Variants in STAB2 observed in about 807,000 individuals in gnomAD.
STAB2 encodes stabilin 2, also known as stabilin-2.
Under a neutral mutation model 338.1 loss-of-function variants are expected in STAB2, and 288 were observed. That is an observed-to-expected ratio of 0.85 (90% confidence interval 0.77 to 0.94). The LOEUF (loss-of-function observed/expected upper bound fraction) is 0.94, where lower values mean the gene tolerates loss of function less well. STAB2 is among the 40% of genes least tolerant of loss of function. The pLI is 0.00. For missense variants in STAB2, 3,141 were observed against 3,210.1 expected (o/e 0.98, Z 0.52); for synonymous variants, 1,202 against 1,193.3 (o/e 1.01, Z -0.15).
intron 52 of STAB2, 54 bp from the exon 53 acceptor site, chr12:103,737,580 C>CTG: frequency 3.7e-6 from 4 of 1,090,366 alleles, no homozygotes; most frequent in Non-Finnish European, 3.8e-6. Flanking sequence ...CTGTTTCTCT[C>CTG]TCTCTCTCTC....
chr12:103,607,613 A>G (rs1210438190), intron 3 of STAB2, among the ~76,000 whole-genome samples: 1 of 150,712 alleles, frequency 6.6e-6, no homozygotes, highest in African/African-American at 2.4e-5. Flanking sequence ...TTTAATTCAC[A>G]CCTATGAGTG....
chr12:103,749,245 C>T (rs553395862), intron 59 of STAB2, 89 bp downstream of exon 59: 26 of 1,347,144 alleles, frequency 1.9e-5, no homozygotes, highest in Non-Finnish European at 2.2e-5. Context: ...CTGCTTATCT[C>T]CTGGACTCTT....
At position 103,755,617 on chromosome 12, in the gene STAB2, A is replaced by G. The variant is rs749808266; in HGVS notation, c.6886A>G (p.Asn2296Asp). The G allele has an allele frequency of 6.2e-7, 1 of 1,614,078 alleles. No homozygotes were observed. Among genetic ancestry groups the G allele is most frequent in the Non-Finnish European group, 8.5e-7 (1 of 1,180,012 alleles). The change falls in exon 63 of 69, where the codon AAC (asparagine) becomes GAC (aspartate). Residue 2296 changes from asparagine to aspartate, a missense_variant. Physicochemically the swap from Asn to Asp is conservative, Grantham distance 23. Transcript: ENST00000388887. ...DVFCYRMKDV[N>D]CTCKVGYVGD... Reference sequence around the variant, plus strand: ...TGTGTGCCTCTGCCCTCCAGATGTGAACTGCACCTGCAAGGTGGGCTATGT... The same window carrying G: ...TGTGTGCCTCTGCCCTCCAGATGTGGACTGCACCTGCAAGGTGGGCTATGT...
At position 103,673,900 on chromosome 12, in the gene STAB2, C is replaced by G. The variant is rs1338245462; in HGVS notation, c.2372-7C>G. ...CTGGACGGATGTCCCTCCTCCTCCT[C>G]TTTCAGAATGCCTGTGCGTTCACGG... On this transcript the variant is annotated splice_polypyrimidine_tract_variant and splice_region_variant and intron_variant, in intron 22 of 68. Coordinates refer to ENST00000388887, the MANE Select transcript of STAB2 (RefSeq NM_017564.10). The G allele has an allele frequency of 6.2e-7, 1 of 1,607,358 alleles. No individual in the cohort carries two copies. Among genetic ancestry groups the G allele is most frequent in the Admixed American group, 1.7e-5 (1 of 59,890 alleles).
rs564255649 is a variant in STAB2, at chr12:103,686,440, C to T, written c.2997+1356C>T. ...CTGCTTTCACGACGTCCCTCTCCTC[C>T]CACGAAAAGCAAAATTAAGTCCTCA... is the stretch of plus-strand genomic sequence containing the variant. On this transcript the variant is annotated intron_variant, in intron 27 of 68. Coordinates refer to ENST00000388887, the MANE Select transcript of STAB2 (RefSeq NM_017564.10). Among the ~76,000 whole-genome samples, 4 of 152,306 alleles carry T rather than the reference C, an allele frequency of 2.6e-5. No homozygotes were observed. In the South Asian group the frequency reaches 6.2e-4, roughly 24 times the overall value.
At position 103,766,315 on chromosome 12, in the gene STAB2, T is replaced by G. The variant is rs756128685; in HGVS notation, c.7635T>G (p.Asn2545Lys). Residue 2545 changes from asparagine to lysine, a missense_variant, in exon 69 of 69, where the codon AAT becomes AAG. Coordinates refer to ENST00000388887, the MANE Select transcript of STAB2 (RefSeq NM_017564.10). ...TDSEERQLEG[N>K]DPLRTL ...CTGAAGAACGGCAGCTTGAGGGCAA[T>G]GACCCCTTGAGGACACTGTGAGGGC... 6.2e-7 allele frequency: 1 copy of G among 1,613,856 alleles called. No individual in the cohort carries two copies.
chr12:103,653,673 T>G (rs1328212038), intron 12 of STAB2, among the ~76,000 whole-genome samples: 1 of 144,186 alleles, frequency 6.9e-6, no homozygotes, highest in Non-Finnish European at 1.5e-5. Flanking sequence ...GATGGATGGA[T>G]GGATAGATAC....
At chr12:103,765,003 G>C (rs1053156292) in intron 68 of STAB2, among the ~76,000 whole-genome samples, 1 of 144,550 alleles carries the variant, frequency 6.9e-6, no homozygotes, top group Non-Finnish European at 1.5e-5. Flanking sequence ...CAACAGAATC[G>C]CTTGAACTGG....
At chr12:103,699,356 T>A in intron 34 of STAB2, 129 bp downstream of exon 34, 1 of 1,210,724 alleles carries the variant, frequency 8.3e-7, no homozygotes, top group Non-Finnish European at 1.1e-6. Flanking sequence ...ACACTGCTGA[T>A]AAAGACATAG....
At chr12:103,674,591 C>T (rs1876154684) in intron 23 of STAB2, among the ~76,000 whole-genome samples, 1 of 152,186 alleles carries the variant, frequency 6.6e-6, no homozygotes, top group Non-Finnish European at 1.5e-5. Flanking sequence ...AGGCATCTTG[C>T]AGGAAATTGG....
chr12:103,723,477 A>G (rs1880931167), intron 44 of STAB2, among the ~76,000 whole-genome samples: 1 of 152,254 alleles, frequency 6.6e-6, no homozygotes, highest in Non-Finnish European at 1.5e-5. Flanking sequence ...TCCATGACAC[A>G]TGAGAATTGT....
intron 14 of STAB2, 61 bp from the exon 15 acceptor site, chr12:103,655,395 A>G: frequency 6.2e-7 from 1 of 1,603,906 alleles, no homozygotes; most frequent in South Asian, 1.1e-5. Flanking sequence ...TTTCTGGCGA[A>G]TTATGTTAAA....
chr12:103,696,050 C>A (rs1480523109), intron 33 of STAB2, among the ~76,000 whole-genome samples: 1 of 152,148 alleles, frequency 6.6e-6, no homozygotes, highest in Non-Finnish European at 1.5e-5. Flanking sequence ...CCTGGAATTG[C>A]ACACTTGAGC....
At chr12:103,631,454 A>AAT (rs57213720) in intron 5 of STAB2, 144 bp from the exon 6 acceptor site, 1 of 700,166 alleles carries the variant, frequency 1.4e-6, no homozygotes, top group Non-Finnish European at 2.4e-6. Context: ...AAAAAAAAAA[A>AAT]CCTGGTGCTG....
intron 22 of STAB2, 47 bp downstream of exon 22, chr12:103,670,854 C>G (rs747667168): frequency 1.3e-6 from 2 of 1,517,050 alleles, no homozygotes; most frequent in Non-Finnish European, 1.8e-6. Context: ...GCAAGGTTCC[C>G]TCTCGTGCTG....
At chr12:103,648,916 C>G (rs1313510424) in intron 10 of STAB2, 93 bp downstream of exon 10, 6 of 1,519,818 alleles carry the variant, frequency 3.9e-6, no homozygotes, top group East Asian at 4.6e-5. Context: ...GACAGGCGAG[C>G]CTTGTCTATT....
chr12:103,597,748 G>A (rs1477427476), intron 3 of STAB2, among the ~76,000 whole-genome samples: 1 of 151,914 alleles, frequency 6.6e-6, no homozygotes, highest in African/African-American at 2.4e-5. Flanking sequence ...TTCTATTTGG[G>A]ATGAAATCGA....
At chr12:103,688,981 T>A (rs1446096998) in intron 28 of STAB2, among the ~76,000 whole-genome samples, 1 of 150,842 alleles carries the variant, frequency 6.6e-6, no homozygotes, top group African/African-American at 2.4e-5. Flanking sequence ...GCCATAGAAA[T>A]CAGTAAATAC....
intron 55 of STAB2, among the ~76,000 whole-genome samples, chr12:103,741,227 C>T (rs1882559188): frequency 2.0e-5 from 3 of 152,132 alleles, no homozygotes; most frequent in African/African-American, 7.2e-5. Flanking sequence ...CAGGAAAGGG[C>T]TCCTTGCCAA....
Sources: allele counts gnomAD v4.1 joint callset (sites outside exome capture counted in the v4.1 genomes callset), GRCh38; gene constraint gnomAD v4.1.1; transcripts MANE v1.5; gene names NCBI Gene and HGNC (gene_info 2026-07-23, HGNC 2026-07-21).